USP2: variants seen among roughly 807,000 people sequenced by gnomAD.
USP2 encodes ubiquitin carboxyl-terminal hydrolase 2.
Under a neutral mutation model 72.0 loss-of-function variants are expected in USP2, and 33 were observed. The observed-to-expected ratio is 0.46, with a 90% CI of 0.35 to 0.61. The LOEUF (loss-of-function observed/expected upper bound fraction) is 0.61. Ranked by LOEUF, USP2 falls within the 20% of genes least tolerant of loss-of-function variation. USP2 has a pLI of 0.01. For synonymous variants in USP2, 296 were observed against 312.5 expected, an observed-to-expected ratio of 0.95 and a Z score of 0.56; for missense variants, 691 against 797.8, an observed-to-expected ratio of 0.87 and a Z score of 1.61.
chr11:119,369,304 C>T (rs970007542), intron 2 of USP2, among the ~76,000 whole-genome samples: 9 of 152,068 alleles, frequency 5.9e-5, no homozygotes, highest in African/African-American at 1.4e-4. Flanking sequence ...CCCTGCCCCC[C>T]GCCAGCTCTG....
At position 119,376,949 on chromosome 11, in the gene USP2, CCA is replaced by C. The variant is rs1256357582; in HGVS notation, c.-41-3430_-41-3429del. Among the ~76,000 whole-genome samples, 5 of 152,328 alleles carry C rather than the reference CCA, an allele frequency of 3.3e-5. No individual in the cohort carries two copies. In the East Asian group the frequency reaches 9.6e-4, roughly 29 times the overall value. On this transcript the variant is annotated intron_variant, in intron 1 of 12. Transcript: ENST00000260187. The stretch of plus-strand genomic sequence containing the variant: ...GGGATTCTTTCAGACATAAATGTCT[CCA>C]ACTTACACACCTCTTTGGACAGATT...
Position 119,373,461 on chromosome 11 carries a change from G to A in USP2, c.20C>T (p.Thr7Ile). ...GGCCGATTCTGTGTAGCGCTTCAGGGTGGAGGAGAGCTGGGACATCCTTCA... is the reference window on the plus strand; with the variant it reads ...GGCCGATTCTGTGTAGCGCTTCAGGATGGAGGAGAGCTGGGACATCCTTCA... MSQLSS[T>I]LKRYTESARY... is the part of the protein sequence containing the mutation. The change falls in exon 2 of 13, where the codon ACC becomes ATC. Residue 7 changes from threonine (T) to isoleucine (I), a missense_variant. Coordinates refer to ENST00000260187, the MANE Select transcript of USP2 (RefSeq NM_004205.5). The A allele has an allele frequency of 1.9e-6, 3 of 1,588,068 alleles. No individual in the cohort carries two copies. The highest frequency in any genetic ancestry group is 2.6e-6 in the Non-Finnish European group (3 of 1,173,158).
chr11:119,358,612 G>C (rs1032022916), intron 7 of USP2, 161 bp downstream of exon 7: 1 of 895,080 alleles, frequency 1.1e-6, no homozygotes, highest in Non-Finnish European at 1.8e-6. Flanking sequence ...CACCATGCCC[G>C]GCCTGCACAG....
At chr11:119,357,735 C>T in intron 10 of USP2, 22 bp downstream of exon 10, 2 of 1,613,610 alleles carry the variant, frequency 1.2e-6, no homozygotes, top group Non-Finnish European at 1.7e-6. Flanking sequence ...CATGTCCCAG[C>T]CCTGATGGAT....
intron 7 of USP2, 76 bp from the exon 8 acceptor site, chr11:119,358,328 T>A: frequency 7.1e-7 from 1 of 1,417,680 alleles, no homozygotes; most frequent in Non-Finnish European, 9.8e-7. Flanking sequence ...CTTTTATTTT[T>A]TTTTTTGAGA....
rs1460763195 is a variant in USP2 at position 119,357,056 on chromosome 11, A to G, written c.1730+131T>C. 7 of 1,150,944 alleles carry G rather than the reference A, an allele frequency of 6.1e-6. No individual in the cohort carries two copies. In the Admixed American group the frequency reaches 2.0e-4, roughly 33 times the overall value. The allele number at this position is 1,150,944 out of a possible 1,614,324, so 71.3% of individuals were successfully genotyped here. On this transcript the variant is annotated intron_variant, in intron 12 of 12. Coordinates refer to ENST00000260187, the MANE Select transcript of USP2 (RefSeq NM_004205.5). ...CCACGGGCAGCGGCTTCGTGGCCTT[A>G]AACTTTGCCATCCATTCTCGGTGTA...
chr11:119,359,819 G>A (rs1950734884), intron 3 of USP2, among the ~76,000 whole-genome samples, 159 bp from the exon 4 acceptor site: 2 of 152,206 alleles, frequency 1.3e-5, no homozygotes, highest in Non-Finnish European at 2.9e-5. Flanking sequence ...TGAAAGGGGT[G>A]AAGTGAGGCA....
chr11:119,370,902 C>T (rs1182166312), intron 2 of USP2, among the ~76,000 whole-genome samples: 2 of 152,120 alleles, frequency 1.3e-5, no homozygotes, highest in Admixed American at 6.5e-5. Context: ...TGGAGGGCGG[C>T]AGACTCCCAG....
chr11:119,357,279 C>T lies in USP2; in HGVS notation c.1638G>A (p.Val546=), dbSNP rs1360048340. ...TNHAVYNLYA[V]SNHSGTTMGG... ...CCATGGTGGTTCCGGAGTGATTGGA[C>T]ACAGCGTACAGGTTGTAAACAGCAT... Residue 546 remains valine, a synonymous_variant, in exon 12 of 13, where the codon GTG becomes GTA. Transcript: ENST00000260187. 2 of 1,613,498 alleles carry T rather than the reference C, an allele frequency of 1.2e-6. No homozygotes were observed. Among genetic ancestry groups the T allele is most frequent in the African/African-American group, 2.7e-5 (2 of 74,770 alleles).
intron 1 of USP2, chr11:119,376,421 C>T: frequency 3.0e-6 from 3 of 985,344 alleles, no homozygotes; most frequent in Non-Finnish European, 3.6e-6. Flanking sequence ...TGGCTGGGAT[C>T]CCCCATACCC....
At position 119,373,136 on chromosome 11, in the gene USP2, A is replaced by G. The variant is rs993420386; in HGVS notation, c.345T>C (p.Tyr115=). 1 of 1,614,100 alleles carries G rather than the reference A, an allele frequency of 6.2e-7. No homozygotes were observed. Among genetic ancestry groups the G allele is most frequent in the South Asian group, 1.1e-5 (1 of 91,084 alleles). The change falls in exon 2 of 13, where the codon TAT becomes TAC. Residue 115 remains tyrosine, a synonymous_variant. Coordinates refer to ENST00000260187, the MANE Select transcript of USP2 (RefSeq NM_004205.5). ...SGLSGGSGFP[Y]GVTNNCLSYL... ...AGCTGAGGCAGTTGTTGGTCACTCC[A>G]TAAGGGAATCCGCTGCCCCCGCTGA...
rs1950696633 is a variant in USP2, at chr11:119,357,984, C to T, written c.1419G>A (p.Lys473=). The T allele has an allele frequency of 1.2e-6, 2 of 1,614,074 alleles. No homozygotes were observed. The highest frequency in any genetic ancestry group is 1.7e-6 in the Non-Finnish European group (2 of 1,180,056). ...TKEDVLDGDE[K]PTCCRCRGRK... is the part of the protein sequence containing the mutation. ...CTATTACCGAAGGGTGACTTACTGGCTTTTCATCTCCATCAAGCACATCCT... is the reference window on the plus strand; with the variant it reads ...CTATTACCGAAGGGTGACTTACTGGTTTTTCATCTCCATCAAGCACATCCT... Residue 473 remains lysine, a synonymous_variant, in exon 9 of 13, where the codon AAG becomes AAA. Transcript: ENST00000260187.
At chr11:119,368,885 T>TA (rs888170334) in intron 2 of USP2, among the ~76,000 whole-genome samples, 40 of 152,182 alleles carry the variant, frequency 2.6e-4, no homozygotes, top group African/African-American at 9.4e-4. Context: ...ATGCCAGGGC[T>TA]AGGGAGGAGC....
Position 119,373,342 on chromosome 11 carries a change from C to T in USP2, c.139G>A (p.Glu47Lys). The part of the protein sequence containing the change: ...ANLAASLLEK[E>K]KLGFKPVPTS... ...GGGACCGGCTTGAAACCAAGTTTCT[C>T]CTTCTCCAGTAAGGAGGCAGCCAGA... is the stretch of plus-strand genomic sequence containing the variant. Residue 47 changes from glutamate to lysine, a missense_variant, in exon 2 of 13, where the codon GAG (glutamate) becomes AAG (lysine). Physicochemically the swap from Glu to Lys is moderately conservative, Grantham distance 56 (BLOSUM62 1). Transcript: ENST00000260187. 3 of 1,613,020 alleles carry T rather than the reference C, an allele frequency of 1.9e-6. No individual in the cohort carries two copies. Among genetic ancestry groups the T allele is most frequent in the Admixed American group, 1.7e-5 (1 of 60,016 alleles).
rs760553833 is a variant in USP2, at chr11:119,373,496, T to G, written c.-16A>C. 1 of 1,558,038 alleles carries G rather than the reference T, an allele frequency of 6.4e-7. No homozygotes were observed. Among genetic ancestry groups the G allele is most frequent in the African/African-American group, 1.3e-5 (1 of 74,114 alleles). ...GCTGGGACATCCTTCAGGGTGGCAC[T>G]CAGTGGGGACTGGGAGCCTCATGGG... On this transcript the variant is annotated 5_prime_UTR_variant, in exon 2 of 13. An upstream open reading frame in the 5' UTR loses its in-frame stop. Coordinates refer to ENST00000260187, the MANE Select transcript of USP2 (RefSeq NM_004205.5).
intron 6 of USP2, 74 bp from the exon 7 acceptor site, chr11:119,358,911 T>G: frequency 6.3e-7 from 1 of 1,593,980 alleles, no homozygotes; most frequent in East Asian, 2.2e-5. Flanking sequence ...ATTTTGATCC[T>G]TCATCTTCAA....
At position 119,369,208 on chromosome 11, in the gene USP2, C is replaced by T. The variant is rs184094209; in HGVS notation, c.774+3499G>A. Among the ~76,000 whole-genome samples the T allele has an allele frequency of 6.6e-4, 101 of 152,248 alleles. 1 individual carries two copies. Among genetic ancestry groups the T allele is most frequent in the African/African-American group, 2.0e-3 (82 of 41,546 alleles). On this transcript the variant is annotated intron_variant, in intron 2 of 12. Coordinates refer to ENST00000260187, the MANE Select transcript of USP2 (RefSeq NM_004205.5). ...CTCATTATACAAGTGCTGAGCTGCG[C>T]CCCCCTGGCCTGGCATTTTGTTGGT...
At chr11:119,358,421 T>A (rs1387701231) in intron 7 of USP2, among the ~76,000 whole-genome samples, 169 bp from the exon 8 acceptor site, 2 of 152,192 alleles carry the variant, frequency 1.3e-5, no homozygotes, top group Non-Finnish European at 2.9e-5. Flanking sequence ...GGTTCAGTGA[T>A]TCTCCTGCCT....
intron 1 of USP2, among the ~76,000 whole-genome samples, chr11:119,381,138 G>C (rs1439569828): frequency 6.6e-6 from 1 of 152,166 alleles, no homozygotes; most frequent in Non-Finnish European, 1.5e-5. Context: ...CAGCGAGTGA[G>C]CTGCACGCAC....
Sources: allele counts gnomAD v4.1 joint callset (sites outside exome capture counted in the v4.1 genomes callset), GRCh38; gene constraint gnomAD v4.1.1; transcripts MANE v1.5; gene names NCBI Gene and HGNC (gene_info 2026-07-23, HGNC 2026-07-21).